Variants in GRIN2D observed in about 807,000 individuals in gnomAD.
The protein encoded by GRIN2D is glutamate receptor ionotropic, NMDA 2D.
In GRIN2D, 37 loss-of-function variants were observed where a neutral mutation model predicts 103.2. That is an observed-to-expected ratio of 0.36 (90% CI 0.28 to 0.47). The LOEUF is 0.47. Ranked by LOEUF, GRIN2D falls within the 20% of genes least tolerant of loss-of-function variation. GRIN2D has a pLI of 1.00. For missense variants in GRIN2D, 1,557 were observed against 1,910.6 expected (o/e 0.81, Z 3.45); for synonymous variants, 845 against 885.6 (o/e 0.95, Z 0.81).
chr19:48,401,754 G>A (rs548966116), intron 3 of GRIN2D, among the ~76,000 whole-genome samples: 6 of 152,188 alleles, frequency 3.9e-5, no homozygotes, highest in Non-Finnish European at 8.8e-5. Flanking sequence ...TTAATATTTT[G>A]AAACAATCAC....
chr19:48,412,422 AAAG>A (rs1333596945), intron 4 of GRIN2D, among the ~76,000 whole-genome samples: 25 of 14,504 alleles, frequency 1.7e-3, no homozygotes, highest in African/African-American at 6.3e-3. Flanking sequence ...AAGAGAAAGA[AAAG>A]AAAGAAAGAA....
Position 48,394,022 on chromosome 19 carries a change from C to G in GRIN2D, c.-306+154C>G, listed in dbSNP as rs114718019. 0.017 allele frequency among the ~76,000 whole-genome samples: 2,605 copies of G among 152,224 alleles called. 78 individuals carry two copies. The highest frequency in any genetic ancestry group is 0.059 in the African/African-American group (2,448 of 41,516). On this transcript the variant is annotated intron_variant, in intron 1 of 13. Transcript: ENST00000263269. The surrounding 1 kb of genome is among the most constrained non-coding windows in gnomAD (Gnocchi z 5.1). ...TCGTGGGGCTCCCGCTCCTTCCCCC[C>G]GGCCCCCCCAAACCCAGATGGATGG...
intron 11 of GRIN2D, among the ~76,000 whole-genome samples, chr19:48,429,260 C>T (rs1971127361): frequency 6.6e-6 from 1 of 152,134 alleles, no homozygotes; most frequent in South Asian, 2.1e-4. Context: ...AGGTCGCACT[C>T]TGTCACCCAG....
At chr19:48,412,393 G>T (rs563747532) in intron 4 of GRIN2D, among the ~76,000 whole-genome samples, 2 of 127,424 alleles carry the variant, frequency 1.6e-5, no homozygotes, top group East Asian at 2.3e-4. Context: ...AGAAGAAAGA[G>T]AAAGAAAAGA....
At chr19:48,397,842 CCT>C in intron 2 of GRIN2D, among the ~76,000 whole-genome samples, 1 of 151,822 alleles carries the variant, frequency 6.6e-6, no homozygotes, top group East Asian at 1.9e-4. Flanking sequence ...TGTCTATCTT[CCT>C]CTCTCTCCCC....
intron 8 of GRIN2D, among the ~76,000 whole-genome samples, chr19:48,417,364 AG>A (rs1970961295): frequency 6.6e-6 from 1 of 152,170 alleles, no homozygotes; most frequent in Non-Finnish European, 1.5e-5. Context: ...AGACAGATGC[AG>A]GGTGTGGTTA....
chr19:48,400,447 C>G lies in GRIN2D; in HGVS notation c.465+1590C>G, dbSNP rs368837746. On this transcript the variant is annotated intron_variant, in intron 3 of 13. Transcript: ENST00000263269. ...CTTTCTTGTTCTCCTTGGCATGGTA[C>G]TTTTCAGAGATTTGTAGGTAGATGC... Among the ~76,000 whole-genome samples, 5 of 152,320 alleles carry G rather than the reference C, an allele frequency of 3.3e-5. No individual in the cohort carries two copies. In the East Asian group the frequency reaches 9.6e-4, roughly 29 times the overall value.
chr19:48,409,015 C>G (rs1403189766), intron 4 of GRIN2D, among the ~76,000 whole-genome samples: 1 of 151,850 alleles, frequency 6.6e-6, no homozygotes, highest in Admixed American at 6.6e-5. Flanking sequence ...TTTGTTGGCT[C>G]TTGGTTCTGG....
At chr19:48,417,604 C>T (rs1970963130) in intron 8 of GRIN2D, among the ~76,000 whole-genome samples, 1 of 152,188 alleles carries the variant, frequency 6.6e-6, no homozygotes, top group African/African-American at 2.4e-5. Flanking sequence ...CTCCTGTGGC[C>T]TCCCCTTTGC....
chr19:48,436,109 G>A (rs1436118216), intron 11 of GRIN2D, among the ~76,000 whole-genome samples: 3 of 152,152 alleles, frequency 2.0e-5, no homozygotes, highest in African/African-American at 4.8e-5. Context: ...TCAAGACGGG[G>A]GGTCTGCAAT....
In GRIN2D at chr19:48,441,943, G is replaced by C. The variant is rs1331587968; in HGVS notation, c.2427G>C (p.Gln809His). Residue 809 changes from glutamine to histidine, a missense_variant, in exon 12 of 14, where the codon CAG becomes CAC. Coordinates refer to ENST00000263269, the MANE Select transcript of GRIN2D (RefSeq NM_000836.4). ...WKRPIDLALLQFLGDDEIEML... is the reference protein window; with the variant it reads ...WKRPIDLALLHFLGDDEIEML... ...GGCCCATCGACCTGGCGTTGCTGCA[G>C]TTCCTGGGGGATGGTGCGGCTGCAC... is the stretch of plus-strand genomic sequence containing the variant. 1 of 1,606,456 alleles carries C rather than the reference G, an allele frequency of 6.2e-7. No homozygotes were observed. The highest frequency in any genetic ancestry group is 1.3e-5 in the African/African-American group (1 of 74,882).
intron 7 of GRIN2D, among the ~76,000 whole-genome samples, 183 bp downstream of exon 7, chr19:48,415,215 C>CA (rs1187527298): frequency 1.3e-5 from 2 of 151,622 alleles, no homozygotes; most frequent in African/African-American, 4.8e-5. Context: ...TACTAAAATG[C>CA]AAAAAATTAG....
chr19:48,439,359 A>C lies in GRIN2D; in HGVS notation c.2253-2410A>C, dbSNP rs142822683. On this transcript the variant is annotated intron_variant, in intron 11 of 13. Transcript: ENST00000263269. ...AGTTACACAGTATTCCTCTGTGTGG[A>C]TTCATTTATTCATTCATTCATTTAT... Among the ~76,000 whole-genome samples the C allele has an allele frequency of 1.1e-3, 161 of 152,236 alleles. 1 individual carries two copies. Among genetic ancestry groups the C allele is most frequent in the African/African-American group, 3.3e-3 (139 of 41,556 alleles).
chr19:48,426,065 T>C (rs1487623047), intron 11 of GRIN2D, among the ~76,000 whole-genome samples: 1 of 152,188 alleles, frequency 6.6e-6, no homozygotes, highest in Non-Finnish European at 1.5e-5. Context: ...ACCAGATTGT[T>C]CCTTCATTGC....
At position 48,443,715 on chromosome 19, in the gene GRIN2D, G is replaced by A. The variant is rs766874004; in HGVS notation, c.3789G>A (p.Pro1263=). 115 of 1,314,100 alleles carry A rather than the reference G, an allele frequency of 8.8e-5. No homozygotes were observed. The highest frequency in any genetic ancestry group is 2.9e-4 in the Middle Eastern group (1 of 3,444). 81.4% of individuals were successfully genotyped at this position (1,314,100 alleles called of 1,614,324 possible). A position where few individuals can be genotyped will look rare whatever the true frequency, so the allele number is the denominator to read the frequency against. The change falls in exon 14 of 14, where the codon CCG becomes CCA. Residue 1263 remains proline, a synonymous_variant. Transcript: ENST00000263269. This position sits in a 1 kb window ranked among gnomAD's most constrained non-coding sequence, Gnocchi z 8.9. ...GCGCCGCTGGGGGCTGGGACCTCCCGCCGCCCGCGCCCACCTCGCGCTCGC... is the reference window on the plus strand; with the variant it reads ...GCGCCGCTGGGGGCTGGGACCTCCCACCGCCCGCGCCCACCTCGCGCTCGC... ...HRRAAGGWDL[P]PPAPTSRSLE... is the part of the protein sequence containing the mutation.
chr19:48,415,050 A>T lies in GRIN2D; in HGVS notation c.1581+18A>T. 9.0e-6 allele frequency: 14 copies of T among 1,557,636 alleles called. No individual in the cohort carries two copies. The highest frequency in any genetic ancestry group is 1.2e-5 in the Non-Finnish European group (14 of 1,145,564). ...TCGGGGAGGTGAGGGGGCGGACGGGAGGCGGGGAATCTTCGGGGCGGAGTC... is the reference window on the plus strand; with the variant it reads ...TCGGGGAGGTGAGGGGGCGGACGGGTGGCGGGGAATCTTCGGGGCGGAGTC... On this transcript the variant is annotated intron_variant, in intron 7 of 13. Transcript: ENST00000263269.
Position 48,414,182 on chromosome 19 carries a change from C to A in GRIN2D, c.1200+77C>A. 1.0e-6 allele frequency: 1 copy of A among 991,728 alleles called. No homozygotes were observed. Among genetic ancestry groups the A allele is most frequent in the South Asian group, 1.3e-5 (1 of 74,416 alleles). 61.4% of individuals were successfully genotyped at this position (991,728 alleles called of 1,614,324 possible). A position where few individuals can be genotyped will look rare whatever the true frequency, so the allele number is the denominator to read the frequency against. On this transcript the variant is annotated intron_variant, in intron 5 of 13. Transcript: ENST00000263269. This position sits in a 1 kb window ranked among gnomAD's most constrained non-coding sequence, Gnocchi z 4.6. The stretch of plus-strand genomic sequence containing the variant: ...TCCTGGCAGAGGGGGGGCTTGAGGT[C>A]GTGGACTAAGAGGGAGGAGGGGACA...
intron 3 of GRIN2D, among the ~76,000 whole-genome samples, chr19:48,403,049 AT>A (rs1172802556): frequency 1.3e-5 from 2 of 151,992 alleles, no homozygotes; most frequent in African/African-American, 4.8e-5. Flanking sequence ...AAATACAAAA[AT>A]TAGCTGGGTG....
At chr19:48,441,451 C>T (rs1257261609) in intron 11 of GRIN2D, among the ~76,000 whole-genome samples, 1 of 151,912 alleles carries the variant, frequency 6.6e-6, no homozygotes, top group African/African-American at 2.4e-5. Flanking sequence ...TCTAAGCTTT[C>T]CCTATAGTCC....
Sources: gnomAD v4.1 joint callset for allele counts (sites outside exome capture counted in the v4.1 genomes callset) on GRCh38, gnomAD v4.1.1 for gene constraint, Gnocchi (gnomAD v3.1) non-coding constraint, MANE v1.5 for transcripts, NCBI Gene and HGNC (gene_info 2026-07-23, HGNC 2026-07-21) for gene names.